The following SLC41A3 variants were observed in gnomAD, a reference collection of about 807,000 sequenced individuals.
SLC41A3 encodes the protein SLC41A1-like 2.
In SLC41A3, 44 loss-of-function variants were observed where a neutral mutation model predicts 45.4. That is an observed-to-expected ratio of 0.97 (90% confidence interval 0.76 to 1.25). The LOEUF (loss-of-function observed/expected upper bound fraction) is 1.25. SLC41A3 is among the 50% of genes most tolerant of loss of function. SLC41A3 has a pLI of 0.00. For synonymous variants in SLC41A3, 256 were observed against 252.4 expected (o/e 1.01, Z -0.13); for missense variants, 550 against 600.6 (o/e 0.92, Z 0.88).
intron 1 of SLC41A3, chr3:126,070,502 T>G (rs1205008215): frequency 2.0e-5 from 3 of 152,102 alleles, no homozygotes; most frequent in Non-Finnish European, 4.4e-5. Flanking sequence ...AAAACCAGTC[T>G]CTGGTGGCAA....
At chr3:126,098,523 T>C (rs549876080) in intron 1 of SLC41A3, among the ~76,000 whole-genome samples, 2 of 152,386 alleles carry the variant, frequency 1.3e-5, no homozygotes, top group South Asian at 2.1e-4. Flanking sequence ...CCTGCTGTTA[T>C]GTTTATTATT....
At chr3:126,080,938 G>A (rs1355576273) in intron 1 of SLC41A3, among the ~76,000 whole-genome samples, 2 of 150,812 alleles carry the variant, frequency 1.3e-5, no homozygotes, top group African/African-American at 2.5e-5. Flanking sequence ...GCAACAGAGC[G>A]AGATTCCATC....
chr3:126,026,516 C>A lies in SLC41A3; in HGVS notation c.454-37G>T. 6.3e-7 allele frequency: 1 copy of A among 1,586,844 alleles called. No homozygotes were observed. The highest frequency in any genetic ancestry group is 2.3e-5 in the East Asian group (1 of 43,936). The stretch of plus-strand genomic sequence containing the variant: ...AAATCAGAAGCATGAAGGGGGGCCC[C>A]GGGGCCACAGCCACACTCCCTGCCC... On this transcript the variant is annotated intron_variant, in intron 4 of 10. Transcript: ENST00000360370. This position sits in a 1 kb window ranked among gnomAD's most constrained non-coding sequence, Gnocchi z 4.2.
At chr3:126,049,691 C>T (rs1274308534) in intron 3 of SLC41A3, among the ~76,000 whole-genome samples, 1 of 152,206 alleles carries the variant, frequency 6.6e-6, no homozygotes, top group Admixed American at 6.5e-5. Flanking sequence ...CACAAGGCTC[C>T]ACATGATCTG....
Position 126,007,100 on chromosome 3 carries a change from CAGG to C in SLC41A3, c.1377_1379del (p.Leu460del). On this transcript the variant is annotated inframe_deletion, in exon 11 of 11. Transcript: ENST00000360370. ...GCCAGTCAGTGAAAAAGCAGAGTGC[CAGG>C]AGGCCAGTACCGAGCAGGTCCCCCA... 6.2e-7 allele frequency: 1 copy of C among 1,614,170 alleles called. No homozygotes were observed.
At chr3:126,067,160 A>G (rs902722755) in intron 2 of SLC41A3, among the ~76,000 whole-genome samples, 2 of 133,496 alleles carry the variant, frequency 1.5e-5, no homozygotes, top group South Asian at 4.8e-4. Flanking sequence ...CATCAAAGCC[A>G]CAAATGCACA....
chr3:126,093,556 C>T (rs1945535304), intron 1 of SLC41A3, among the ~76,000 whole-genome samples: 1 of 152,220 alleles, frequency 6.6e-6, no homozygotes, highest in Non-Finnish European at 1.5e-5. Context: ...TCTGTGGACC[C>T]TTGCCATCAG....
chr3:126,068,031 C>A lies in SLC41A3; in HGVS notation c.189G>T (p.Trp63Cys). 6.2e-7 allele frequency: 1 copy of A among 1,613,942 alleles called. No homozygotes were observed. The highest frequency in any genetic ancestry group is 8.5e-7 in the Non-Finnish European group (1 of 1,179,976). ...LETEPSRETTWSIGLQVTVPF... is the reference protein window; with the variant it reads ...LETEPSRETTCSIGLQVTVPF... ...GCACGGTCACCTGAAGGCCTATGGA[C>A]CAGGTGGTCTCCCTGCTAGGCTCAG... is the stretch of plus-strand genomic sequence containing the variant. The change falls in exon 2 of 11, where the codon TGG becomes TGT. Residue 63 changes from tryptophan (W) to cysteine (C), a missense_variant. Trp to Cys is a radical substitution (Grantham distance 215, BLOSUM62 -2). Transcript: ENST00000360370.
chr3:126,056,667 G>A, intron 2 of SLC41A3: 2 of 1,459,730 alleles, frequency 1.4e-6, no homozygotes, highest in Non-Finnish European at 1.8e-6. Context: ...ACAAACAGAA[G>A]CTTCCCAGTC....
upstream of SLC41A3, among the ~76,000 whole-genome samples, chr3:126,087,386 T>C (rs1945413746): frequency 6.6e-6 from 1 of 152,092 alleles, no homozygotes; most frequent in African/African-American, 2.4e-5. Flanking sequence ...GTAAAGGTAA[T>C]GGAATAAGTG....
At chr3:126,017,678 C>A (rs563390340) in intron 6 of SLC41A3, among the ~76,000 whole-genome samples, 27 of 152,344 alleles carry the variant, frequency 1.8e-4, no homozygotes, top group African/African-American at 6.0e-4. Flanking sequence ...CTCTGGAGGG[C>A]AGGCTCACCT....
chr3:126,012,660 T>A lies in SLC41A3; in HGVS notation c.1060A>T (p.Met354Leu), dbSNP rs1397671931. 2 of 1,614,174 alleles carry A rather than the reference T, an allele frequency of 1.2e-6. No individual in the cohort carries two copies. The highest frequency in any genetic ancestry group is 4.5e-5 in the East Asian group (2 of 44,878). Reference sequence around the variant, plus strand: ...CACGGGTTGGGCCAGAATTTCTTCATCTGGAGGGGCAGGACGCCAGGTGCA... The same window carrying A: ...CACGGGTTGGGCCAGAATTTCTTCAACTGGAGGGGCAGGACGCCAGGTGCA... ...WSAPGVLPLQ[M>L]KKFWPNPCST... is the part of the protein sequence containing the mutation. The change falls in exon 9 of 11, where the codon ATG becomes TTG. Residue 354 changes from methionine (M) to leucine (L), a missense_variant. By Grantham distance (15) the Met-to-Leu change is conservative. Transcript: ENST00000360370.
chr3:126,047,504 C>T (rs1022073846), intron 3 of SLC41A3, among the ~76,000 whole-genome samples: 39 of 152,074 alleles, frequency 2.6e-4, no homozygotes, highest in African/African-American at 8.9e-4. Context: ...TTCATGACTT[C>T]GAAACTTATT....
chr3:126,079,350 C>T (rs915970903), intron 1 of SLC41A3, among the ~76,000 whole-genome samples: 18 of 151,708 alleles, frequency 1.2e-4, no homozygotes, highest in African/African-American at 4.4e-4. Flanking sequence ...AATTTAGCTA[C>T]ATCAAAGTTT....
At chr3:126,056,439 G>T (rs1392694147) in intron 2 of SLC41A3, 2 of 1,614,176 alleles carry the variant, frequency 1.2e-6, no homozygotes, top group Non-Finnish European at 8.5e-7. Flanking sequence ...GGCACATGAT[G>T]GTGAAGAAAG....
chr3:126,015,345 C>T, intron 8 of SLC41A3, 149 bp downstream of exon 8: 1 of 708,664 alleles, frequency 1.4e-6, no homozygotes, highest in Non-Finnish European at 2.4e-6. Flanking sequence ...CTCCAGCATC[C>T]CTGTAAGGCA....
intron 3 of SLC41A3, among the ~76,000 whole-genome samples, chr3:126,042,329 A>G (rs1942648919): frequency 6.6e-6 from 1 of 152,166 alleles, no homozygotes. Flanking sequence ...GGGGAATTGG[A>G]GAGAAAAAGC....
chr3:126,030,876 A>G (rs958902731), intron 4 of SLC41A3, among the ~76,000 whole-genome samples: 2 of 152,252 alleles, frequency 1.3e-5, no homozygotes, highest in African/African-American at 4.8e-5. Flanking sequence ...AAGGGGGTCA[A>G]TGTTGGTACA....
chr3:126,084,326 G>T, upstream of SLC41A3: 1 of 152,154 alleles, frequency 6.6e-6, no homozygotes, highest in East Asian at 1.9e-4. Flanking sequence ...GACGGAAGTG[G>T]GGGACCGAGT....
Sources: allele counts gnomAD v4.1 joint callset (sites outside exome capture counted in the v4.1 genomes callset), GRCh38; gene constraint gnomAD v4.1.1; non-coding constraint Gnocchi (gnomAD v3.1); transcripts MANE v1.5; gene names NCBI Gene and HGNC (gene_info 2026-07-23, HGNC 2026-07-21).